RAB2A: variants seen among roughly 807,000 people sequenced by gnomAD.
RAB2A encodes ras-related protein Rab-2A.
RAB2A carries 7 observed loss-of-function variants against 32.5 expected under a neutral mutation model. That is an observed-to-expected ratio of 0.22 (90% CI 0.12 to 0.40). The LOEUF (loss-of-function observed/expected upper bound fraction) is 0.40, where lower values mean the gene tolerates loss of function less well. Among genes scored for constraint, RAB2A ranks in the 10% least tolerant of loss-of-function variants. The probability of loss-of-function intolerance (pLI) is 1.00; values close to 1 mark genes in which losing one functional copy is unlikely to be tolerated. For missense variants in RAB2A, 108 were observed against 260.7 expected (o/e 0.41, Z 4.03); for synonymous variants, 79 against 85.2 (o/e 0.93, Z 0.40).
chr8:60,558,668 G>A, intron 1 of RAB2A, 184 bp from the exon 2 acceptor site: 1 of 638,244 alleles, frequency 1.6e-6, no homozygotes, highest in Non-Finnish European at 2.8e-6. Context: ...ACTTTAGATT[G>A]GTTTACAGCT....
At chr8:60,569,158 AATC>A (rs1207720053) in intron 2 of RAB2A, among the ~76,000 whole-genome samples, 1 of 152,214 alleles carries the variant, frequency 6.6e-6, no homozygotes, top group African/African-American at 2.4e-5. Context: ...GGAAAACAGA[AATC>A]ATAGTTTTTC....
At chr8:60,556,661 A>AG (rs1807944108) in intron 1 of RAB2A, among the ~76,000 whole-genome samples, 1 of 150,088 alleles carries the variant, frequency 6.7e-6, no homozygotes, top group African/African-American at 2.5e-5. Flanking sequence ...AAAAAAAAAA[A>AG]AGAGGAAGAA....
intron 1 of RAB2A, among the ~76,000 whole-genome samples, chr8:60,534,455 T>C (rs1807527479): frequency 6.6e-6 from 1 of 152,158 alleles, no homozygotes; most frequent in African/African-American, 2.4e-5. Context: ...GCCTGGGCAG[T>C]GTAGTAAAAT....
At position 60,560,737 on chromosome 8, in the gene RAB2A, TTTTG is replaced by T. The variant is rs1440414794; in HGVS notation, c.118+1818_118+1821del. The stretch of plus-strand genomic sequence containing the variant: ...GAAACACTATGAGATTTTTTTTGTT[TTTTG>T]TTTTTTGTTTTTTTTTTTTAGCTCA... On this transcript the variant is annotated intron_variant, in intron 2 of 7. Coordinates refer to ENST00000262646, the MANE Select transcript of RAB2A (RefSeq NM_002865.3). Among the ~76,000 whole-genome samples the T allele has an allele frequency of 6.2e-3, 799 of 128,322 alleles. 11 individuals carry two copies. Among genetic ancestry groups the T allele is most frequent in the African/African-American group, 0.021 (765 of 35,944 alleles). The allele number at this position is 128,322 out of a possible 152,430, so 84.2% of individuals were successfully genotyped here.
chr8:60,537,334 G>GT (rs1352357637), intron 1 of RAB2A, among the ~76,000 whole-genome samples: 1 of 147,692 alleles, frequency 6.8e-6, no homozygotes, highest in East Asian at 2.1e-4. Flanking sequence ...TGATTCTCGT[G>GT]CCCCAGCCTC....
At chr8:60,613,806 A>G (rs924233166) in intron 6 of RAB2A, among the ~76,000 whole-genome samples, 10 of 152,242 alleles carry the variant, frequency 6.6e-5, no homozygotes, top group African/African-American at 2.4e-4. Flanking sequence ...AATACTTAGT[A>G]TATATTGATT....
intron 6 of RAB2A, among the ~76,000 whole-genome samples, chr8:60,593,508 C>T (rs1301874580): frequency 6.6e-6 from 1 of 152,084 alleles, no homozygotes; most frequent in Non-Finnish European, 1.5e-5. Flanking sequence ...CTACTGTAGC[C>T]AAACATCACA....
At chr8:60,557,031 A>G (rs1807949739) in intron 1 of RAB2A, among the ~76,000 whole-genome samples, 1 of 152,184 alleles carries the variant, frequency 6.6e-6, no homozygotes, top group Admixed American at 6.5e-5. Flanking sequence ...ATGCTTGATA[A>G]CTAACTCTTT....
chr8:60,547,426 G>T (rs376471800), intron 1 of RAB2A, among the ~76,000 whole-genome samples: 2 of 152,180 alleles, frequency 1.3e-5, no homozygotes, highest in Non-Finnish European at 2.9e-5. Flanking sequence ...CCTCCCAGAC[G>T]GGGTGGTGGC....
intron 1 of RAB2A, among the ~76,000 whole-genome samples, chr8:60,544,990 C>A (rs1346180283): frequency 6.6e-6 from 1 of 152,172 alleles, no homozygotes; most frequent in Non-Finnish European, 1.5e-5. Context: ...AGCAGTCCGC[C>A]TGCCACGGCC....
chr8:60,614,769 G>A (rs1447012737), intron 6 of RAB2A, among the ~76,000 whole-genome samples: 1 of 152,182 alleles, frequency 6.6e-6, no homozygotes, highest in African/African-American at 2.4e-5. Flanking sequence ...TGAAAGATTA[G>A]TGTTTGAGGT....
rs533304810 is a variant in RAB2A, at chr8:60,619,878, G to A, written c.544-796G>A. The stretch of plus-strand genomic sequence containing the variant: ...TCAAGAAGTTGCTACCAGCCCAGAG[G>A]GGGCAAAATCAATGAGCCATAGGGC... On this transcript the variant is annotated intron_variant, in intron 7 of 7. Coordinates refer to ENST00000262646, the MANE Select transcript of RAB2A (RefSeq NM_002865.3). Among the ~76,000 whole-genome samples the A allele has an allele frequency of 7.2e-5, 11 of 152,338 alleles. No homozygotes were observed. The South Asian group carries it at 1.7e-3, about 23-fold the overall frequency.
chr8:60,595,700 C>T lies in RAB2A; in HGVS notation c.474+3731C>T, dbSNP rs181371132. ...GAAAGATGTGACAGTGCTAAACATG[C>T]GTGTACCAGATATGTGAAGCAAAAA... On this transcript the variant is annotated intron_variant, in intron 6 of 7. Coordinates refer to ENST00000262646, the MANE Select transcript of RAB2A (RefSeq NM_002865.3). Among the ~76,000 whole-genome samples, 84 of 152,110 alleles carry T rather than the reference C, an allele frequency of 5.5e-4. 1 individual carries two copies. Among genetic ancestry groups the T allele is most frequent in the Middle Eastern group, 3.4e-3 (1 of 294 alleles).
chr8:60,607,428 CAAA>C (rs773988383), intron 6 of RAB2A, among the ~76,000 whole-genome samples: 6 of 57,474 alleles, frequency 1.0e-4, no homozygotes, highest in Admixed American at 3.9e-4. Flanking sequence ...GACTCCATCT[CAAA>C]AAAAAAAAAA....
At chr8:60,557,898 T>C (rs1807963151) in intron 1 of RAB2A, among the ~76,000 whole-genome samples, 1 of 152,202 alleles carries the variant, frequency 6.6e-6, no homozygotes, top group South Asian at 2.1e-4. Context: ...CTATTTTCTT[T>C]CAAATCAGTC....
intron 4 of RAB2A, 94 bp from the exon 5 acceptor site, chr8:60,584,629 C>T (rs1455913655): frequency 1.9e-6 from 2 of 1,050,874 alleles, no homozygotes; most frequent in African/African-American, 1.6e-5. Flanking sequence ...GTGGATATGG[C>T]TAAAAGTGGT....
intron 1 of RAB2A, among the ~76,000 whole-genome samples, chr8:60,531,638 C>T (rs545329427): frequency 1.3e-5 from 2 of 152,184 alleles, no homozygotes; most frequent in African/African-American, 2.4e-5. Context: ...AAATGGCTCT[C>T]CTTGATTCTA....
chr8:60,570,914 A>G (rs868428047), intron 2 of RAB2A, among the ~76,000 whole-genome samples: 2 of 152,192 alleles, frequency 1.3e-5, no homozygotes, highest in Non-Finnish European at 2.9e-5. Flanking sequence ...CTGGGAAACT[A>G]GAAGTTGTTT....
intron 3 of RAB2A, among the ~76,000 whole-genome samples, chr8:60,580,335 G>A (rs1178347711): frequency 1.3e-5 from 2 of 152,040 alleles, no homozygotes; most frequent in South Asian, 2.1e-4. Flanking sequence ...GCTTTAATAT[G>A]TCAAGGTAGT....
Sources: allele counts gnomAD v4.1 joint callset (sites outside exome capture counted in the v4.1 genomes callset), GRCh38; gene constraint gnomAD v4.1.1; transcripts MANE v1.5; gene names NCBI Gene and HGNC (gene_info 2026-07-23, HGNC 2026-07-21).